Variants in SLC44A5 observed in about 807,000 individuals in gnomAD.
SLC44A5 encodes solute carrier family 44 member 5.
A neutral mutation model predicts 101.8 loss-of-function variants in SLC44A5; 57 were observed. The observed-to-expected ratio is 0.56, with a 90% CI of 0.45 to 0.70. The LOEUF (loss-of-function observed/expected upper bound fraction) is 0.70, where lower values mean the gene tolerates loss of function less well. Ranked by LOEUF, SLC44A5 falls within the 30% of genes least tolerant of loss-of-function variation. The pLI, the probability that SLC44A5 is intolerant of heterozygous loss-of-function variation, is 0.00. For missense variants in SLC44A5, 737 were observed against 853.1 expected, an observed-to-expected ratio of 0.86 and a Z score of 1.70; for synonymous variants, 281 against 290.9, an observed-to-expected ratio of 0.97 and a Z score of 0.35.
intron 5 of SLC44A5, among the ~76,000 whole-genome samples, chr1:75,282,969 G>A (rs547729207): frequency 3.9e-5 from 6 of 152,242 alleles, no homozygotes; most frequent in South Asian, 4.1e-4. Context: ...GTAAACATGC[G>A]TGTGCAAGTA....
At chr1:75,409,756 A>T (rs1663152946) in intron 2 of SLC44A5, among the ~76,000 whole-genome samples, 2 of 152,116 alleles carry the variant, frequency 1.3e-5, no homozygotes, top group African/African-American at 4.8e-5. Flanking sequence ...ACTTCCCAAA[A>T]CACAATGCTA....
the SLC44A5 span, among the ~76,000 whole-genome samples, chr1:75,707,433 C>A: frequency 6.6e-6 from 1 of 152,162 alleles, no homozygotes; most frequent in Non-Finnish European, 1.5e-5. Flanking sequence ...AGTTCCTGGT[C>A]AACATAAGTA....
chr1:75,296,358 T>C (rs535890781), intron 5 of SLC44A5, among the ~76,000 whole-genome samples: 42 of 72,170 alleles, frequency 5.8e-4, no homozygotes, highest in African/African-American at 2.4e-3. Flanking sequence ...TCTAGCCAGT[T>C]TTTTTTTCTT....
chr1:75,560,652 C>G (rs183098139), intron 1 of SLC44A5, among the ~76,000 whole-genome samples: 156 of 152,262 alleles, frequency 1.0e-3, no homozygotes, highest in Non-Finnish European at 1.5e-3. Flanking sequence ...CTAATTGTCC[C>G]AGTAAAGTTT....
chr1:75,541,070 G>T (rs1671329632), intron 2 of SLC44A5, among the ~76,000 whole-genome samples: 1 of 152,176 alleles, frequency 6.6e-6, no homozygotes, highest in African/African-American at 2.4e-5. Flanking sequence ...AAAGATTCTG[G>T]TTCTACCAAT....
intron 5 of SLC44A5, 41 bp from the exon 6 acceptor site, chr1:75,275,083 C>A: frequency 6.5e-7 from 1 of 1,529,984 alleles, no homozygotes; most frequent in Non-Finnish European, 9.0e-7. Flanking sequence ...TCAGCAAAAG[C>A]CAGCTAAAGG....
At chr1:75,585,696 A>G (rs1257496696) in intron 1 of SLC44A5, among the ~76,000 whole-genome samples, 2 of 152,222 alleles carry the variant, frequency 1.3e-5, no homozygotes, top group Admixed American at 6.5e-5. Flanking sequence ...TATATAGATT[A>G]TACCCTTCTT....
intron 3 of SLC44A5, among the ~76,000 whole-genome samples, chr1:75,354,588 C>T (rs559783445): frequency 1.3e-5 from 2 of 152,312 alleles, no homozygotes; most frequent in Admixed American, 1.3e-4. Flanking sequence ...CACGATGGCC[C>T]CCTGGTCCCA....
At chr1:75,656,083 G>A in the SLC44A5 span, among the ~76,000 whole-genome samples, 1 of 152,102 alleles carries the variant, frequency 6.6e-6, no homozygotes, top group African/African-American at 2.4e-5. Context: ...AAATTTTATA[G>A]GCCAAGAGAA....
intron 5 of SLC44A5, among the ~76,000 whole-genome samples, chr1:75,296,375 T>C (rs1653964431): frequency 6.6e-6 from 1 of 151,820 alleles, no homozygotes; most frequent in South Asian, 2.1e-4. Flanking sequence ...TCTTTTTTTT[T>C]TTTTTTAATA....
At chr1:75,591,846 A>AG (rs971629298) in intron 1 of SLC44A5, among the ~76,000 whole-genome samples, 5 of 151,628 alleles carry the variant, frequency 3.3e-5, no homozygotes, top group Non-Finnish European at 7.4e-5. Flanking sequence ...ATAAAAAAAA[A>AG]ACCTCCAAAA....
intron 3 of SLC44A5, among the ~76,000 whole-genome samples, chr1:75,345,778 T>A (rs1029123612): frequency 6.6e-6 from 1 of 151,672 alleles, no homozygotes; most frequent in Non-Finnish European, 1.5e-5. Context: ...TTACCAGGAG[T>A]TGGAGAAGGA....
At chr1:75,544,168 G>T (rs1016709045) in intron 1 of SLC44A5, among the ~76,000 whole-genome samples, 1 of 152,058 alleles carries the variant, frequency 6.6e-6, no homozygotes, top group East Asian at 1.9e-4. Flanking sequence ...TATCAAGGGC[G>T]TCGGTTGCTT....
the SLC44A5 span, among the ~76,000 whole-genome samples, chr1:75,681,909 G>A: frequency 6.6e-6 from 1 of 152,218 alleles, no homozygotes; most frequent in Non-Finnish European, 1.5e-5. Context: ...CTTCAGCAAA[G>A]TCTCAGGATA....
chr1:75,240,403 T>G (rs1005061841), intron 9 of SLC44A5, among the ~76,000 whole-genome samples: 6 of 152,262 alleles, frequency 3.9e-5, no homozygotes, highest in African/African-American at 1.4e-4. Context: ...CTCACTAGAC[T>G]GTGAGGGACT....
rs372949408 is a variant in SLC44A5, at chr1:75,438,836, C to T, written c.14-42215G>A. On this transcript the variant is annotated intron_variant, in intron 2 of 23. Coordinates refer to ENST00000370859, the MANE Select transcript of SLC44A5 (RefSeq NM_001130058.2). ...TAACACACCATAAGCAAAAACAAAC[C>T]GAAACAAATGATAGATTTAGATCTC... Among the ~76,000 whole-genome samples, 3 of 151,852 alleles carry T rather than the reference C, an allele frequency of 2.0e-5. No individual in the cohort carries two copies. In the East Asian group the frequency reaches 5.8e-4, roughly 29 times the overall value.
chr1:75,519,533 G>C (rs994310119), intron 2 of SLC44A5, among the ~76,000 whole-genome samples: 3 of 151,964 alleles, frequency 2.0e-5, no homozygotes, highest in African/African-American at 7.3e-5. Context: ...ACTCCAGCCT[G>C]GGCAACAGAG....
At chr1:75,550,235 A>C (rs1007355703) in intron 1 of SLC44A5, among the ~76,000 whole-genome samples, 1 of 152,184 alleles carries the variant, frequency 6.6e-6, no homozygotes, top group African/African-American at 2.4e-5. Context: ...TTGGCCATAA[A>C]AAGGAATGAA....
the SLC44A5 span, among the ~76,000 whole-genome samples, chr1:75,650,945 C>T: frequency 6.6e-6 from 1 of 152,336 alleles, no homozygotes; most frequent in Non-Finnish European, 1.5e-5. Context: ...AATAAAACTG[C>T]TCAGATGTCC....
Sources: allele counts gnomAD v4.1 joint callset (sites outside exome capture counted in the v4.1 genomes callset), GRCh38; gene constraint gnomAD v4.1.1; transcripts MANE v1.5; gene names NCBI Gene and HGNC (gene_info 2026-07-23, HGNC 2026-07-21).